AATF: variants seen among roughly 807,000 people sequenced by gnomAD.
AATF encodes the protein apoptosis antagonizing transcription factor.
In AATF, 48 loss-of-function variants were observed where a neutral mutation model predicts 63.7. The observed-to-expected ratio is 0.75, with a 90% CI of 0.60 to 0.96. The LOEUF (loss-of-function observed/expected upper bound fraction) is 0.96. Among genes scored for constraint, AATF ranks in the 40% least tolerant of loss-of-function variants. The pLI is 0.00. For synonymous variants in AATF, 258 were observed against 247.7 expected (o/e 1.04, Z -0.39); for missense variants, 639 against 685.7 (o/e 0.93, Z 0.76).
intron 11 of AATF, among the ~76,000 whole-genome samples, chr17:37,038,496 G>A (rs1223835009): frequency 6.6e-6 from 1 of 152,186 alleles, no homozygotes; most frequent in East Asian, 1.9e-4. Flanking sequence ...TCAGCTTGAT[G>A]CATGCCAAAG....
chr17:37,055,625 C>G (rs572858596), intron 11 of AATF: 1 of 150,462 alleles, frequency 6.6e-6, no homozygotes, highest in Non-Finnish European at 1.5e-5. Flanking sequence ...GGCTCCTGGC[C>G]CATGACCTCA....
chr17:37,030,692 A>C (rs1000352383), intron 10 of AATF, among the ~76,000 whole-genome samples: 2 of 152,088 alleles, frequency 1.3e-5, no homozygotes, highest in Non-Finnish European at 2.9e-5. Flanking sequence ...GTGTTTCTCC[A>C]TTTAAAGGTG....
chr17:36,979,329 A>G (rs2071103118), intron 4 of AATF, among the ~76,000 whole-genome samples: 1 of 152,230 alleles, frequency 6.6e-6, no homozygotes, highest in Non-Finnish European at 1.5e-5. Context: ...AGATGTTGAC[A>G]AGAAGTGAAC....
At chr17:36,971,375 C>T (rs146537437) in intron 4 of AATF, among the ~76,000 whole-genome samples, 10 of 152,270 alleles carry the variant, frequency 6.6e-5, no homozygotes, top group African/African-American at 1.4e-4. Flanking sequence ...GGAGATACCT[C>T]TACATACCTA....
At chr17:37,030,342 G>A (rs2142299832) in intron 10 of AATF, among the ~76,000 whole-genome samples, 1 of 152,292 alleles carries the variant, frequency 6.6e-6, no homozygotes, top group Admixed American at 6.5e-5. Context: ...TTTGATATGT[G>A]TAAAAATGTT....
intron 4 of AATF, among the ~76,000 whole-genome samples, chr17:36,959,070 G>T (rs185726049): frequency 2.0e-5 from 3 of 152,026 alleles, no homozygotes; most frequent in African/African-American, 7.3e-5. Flanking sequence ...TCTTAAACTC[G>T]GGAGGTGGAG....
intron 4 of AATF, among the ~76,000 whole-genome samples, chr17:36,970,168 C>A (rs1218813419): frequency 1.3e-5 from 2 of 152,168 alleles, no homozygotes; most frequent in Admixed American, 1.3e-4. Flanking sequence ...ATGGTAAATG[C>A]ATGTTTAACT....
rs115594302 is a variant in AATF, at chr17:36,953,160, G to A, written c.558G>A (p.Ala186=). 3.1e-5 allele frequency: 50 copies of A among 1,614,132 alleles called. No individual in the cohort carries two copies. Among genetic ancestry groups the A allele is most frequent in the African/African-American group, 8.0e-5 (6 of 75,020 alleles). ...GTGGCATGGAAGAAGGGGATGACGC[G>A]GAAGACTCCCAAGGCGAGAGTGAGG... ...EESGMEEGDD[A]EDSQGESEED... The change falls in exon 3 of 12, where the codon GCG becomes GCA. Residue 186 remains alanine (A), a synonymous_variant. Coordinates refer to ENST00000619387, the MANE Select transcript of AATF (RefSeq NM_012138.4).
intron 4 of AATF, among the ~76,000 whole-genome samples, chr17:36,981,947 C>T (rs1330812042): frequency 1.3e-5 from 2 of 152,042 alleles, no homozygotes; most frequent in African/African-American, 4.8e-5. Flanking sequence ...CAACCAATCT[C>T]CAGAACTTTT....
chr17:36,988,724 A>C lies in AATF; in HGVS notation c.1149+4A>C. 2 of 1,613,534 alleles carry C rather than the reference A, an allele frequency of 1.2e-6. No homozygotes were observed. Among genetic ancestry groups the C allele is most frequent in the Non-Finnish European group, 1.7e-6 (2 of 1,179,838 alleles). ...GGCTTCTGGAAAACTGGGGAAGGCA[A>C]GTGTGTGTATGCGCGCATGTATGTG... On this transcript the variant is annotated splice_donor_region_variant and intron_variant, in intron 6 of 11. Transcript: ENST00000619387.
intron 11 of AATF, among the ~76,000 whole-genome samples, chr17:37,038,534 G>A (rs12325974): frequency 3.3e-5 from 5 of 152,178 alleles, no homozygotes; most frequent in African/African-American, 1.2e-4. Context: ...TGCATTAAAT[G>A]CTGCTTCAAG....
chr17:37,039,492 A>G (rs1409908576), intron 11 of AATF, among the ~76,000 whole-genome samples: 1 of 152,180 alleles, frequency 6.6e-6, no homozygotes, highest in Non-Finnish European at 1.5e-5. Flanking sequence ...AACTCATGGC[A>G]GTGATTTGAT....
chr17:36,990,553 G>T (rs186647287), intron 7 of AATF, among the ~76,000 whole-genome samples: 153 of 151,264 alleles, frequency 1.0e-3, no homozygotes, highest in Non-Finnish European at 1.8e-3. Flanking sequence ...TTGAATGAGG[G>T]TAAACATATT....
chr17:37,041,121 G>A (rs1456315458), intron 11 of AATF, among the ~76,000 whole-genome samples: 1 of 151,976 alleles, frequency 6.6e-6, no homozygotes, highest in African/African-American at 2.4e-5. Flanking sequence ...ACTTTTACAT[G>A]TTTTCTTATA....
At chr17:36,956,369 A>G (rs549490037) in intron 4 of AATF, among the ~76,000 whole-genome samples, 2 of 152,340 alleles carry the variant, frequency 1.3e-5, no homozygotes, top group Admixed American at 6.5e-5. Context: ...CTTGATAAAC[A>G]GACTTTAAGA....
intron 8 of AATF, among the ~76,000 whole-genome samples, chr17:37,014,478 T>C (rs1567984367): frequency 6.6e-6 from 1 of 152,194 alleles, no homozygotes; most frequent in African/African-American, 2.4e-5. Flanking sequence ...GGTAAAGTGC[T>C]AGTCTGACAG....
chr17:36,981,705 T>TTC lies in AATF; in HGVS notation c.833-4911_833-4910insCT, dbSNP rs1555648879. Among the ~76,000 whole-genome samples the TTC allele has an allele frequency of 1.3e-3, 190 of 141,744 alleles. 2 individuals carry two copies. The highest frequency in any genetic ancestry group is 5.1e-3 in the African/African-American group (185 of 35,970). 93.0% of individuals were successfully genotyped at this position (141,744 alleles called of 152,430 possible). A position where few individuals can be genotyped will look rare whatever the true frequency, so the allele number is the denominator to read the frequency against. On this transcript the variant is annotated intron_variant, in intron 4 of 11. Transcript: ENST00000619387. ...TCTTCTTCTTCTTCTTTCTTTTCTT[T>TTC]TTTTTTTTTTTTTTGACAGTCAGTG...
chr17:37,019,419 T>C (rs1191024602), intron 9 of AATF, among the ~76,000 whole-genome samples: 2 of 152,184 alleles, frequency 1.3e-5, no homozygotes, highest in African/African-American at 2.4e-5. Context: ...TGTCAGAACA[T>C]GGCACTGCGC....
rs1555651187 is a variant in AATF at position 37,007,386 on chromosome 17, T to TA, written c.1399-11618dup. Among the ~76,000 whole-genome samples the TA allele has an allele frequency of 2.3e-5, 3 of 132,426 alleles. No individual in the cohort carries two copies. The East Asian group carries it at 6.4e-4, about 28-fold the overall frequency. The allele number at this position is 132,426 out of a possible 152,430, so 86.9% of individuals were successfully genotyped here. On this transcript the variant is annotated intron_variant, in intron 8 of 11. Coordinates refer to ENST00000619387, the MANE Select transcript of AATF (RefSeq NM_012138.4). The stretch of plus-strand genomic sequence containing the variant: ...TTTTTTTTTTTTTTTTTTTTTTTTT[T>TA]AGCGACAGGTTCTCACTGCATTGCC...
Sources: allele counts gnomAD v4.1 joint callset (sites outside exome capture counted in the v4.1 genomes callset), GRCh38; gene constraint gnomAD v4.1.1; transcripts MANE v1.5; gene names NCBI Gene and HGNC (gene_info 2026-07-23, HGNC 2026-07-21).